The following DLGAP5 variants were observed in gnomAD, a reference collection of about 807,000 sequenced individuals.
DLGAP5 encodes DLG associated protein 5, also known as disks large-associated protein 5.
In DLGAP5, 90 loss-of-function variants were observed where a neutral mutation model predicts 99.6. The ratio of observed to expected loss-of-function variants is 0.90; its 90% CI spans 0.76 to 1.08. The LOEUF is 1.08. Ranked by LOEUF, DLGAP5 falls within the 50% of genes least tolerant of loss-of-function variation. The pLI is 0.00. For missense variants in DLGAP5, 1,036 were observed against 983.5 expected (o/e 1.05, Z -0.71); for synonymous variants, 311 against 321.3 (o/e 0.97, Z 0.34).
Position 55,174,981 on chromosome 14 carries a change from G to A in DLGAP5, c.1301+365C>T, listed in dbSNP as rs543899894. Among the ~76,000 whole-genome samples the A allele has an allele frequency of 9.1e-4, 139 of 152,166 alleles. 4 individuals carry two copies. The South Asian group carries it at 0.028, about 30-fold the overall frequency. On this transcript the variant is annotated intron_variant, in intron 10 of 18. Transcript: ENST00000247191. ...TGGGATTACAGGCGTGAGCCACCGC[G>A]CCCAGCCTATTGTCCATATTTTTTA...
intron 1 of DLGAP5, among the ~76,000 whole-genome samples, chr14:55,190,782 T>G (rs952621873): frequency 6.6e-6 from 1 of 152,228 alleles, no homozygotes; most frequent in Admixed American, 6.5e-5. Flanking sequence ...CAATGGACTG[T>G]GCTTTTCATA....
At chr14:55,184,364 T>C (rs1883367806) in intron 2 of DLGAP5, among the ~76,000 whole-genome samples, 1 of 152,228 alleles carries the variant, frequency 6.6e-6, no homozygotes, top group African/African-American at 2.4e-5. Flanking sequence ...CAACCCCTAG[T>C]CTTTTAAAAT....
At chr14:55,154,010 C>T (rs556579739) in intron 15 of DLGAP5, among the ~76,000 whole-genome samples, 10 of 151,856 alleles carry the variant, frequency 6.6e-5, no homozygotes, top group Non-Finnish European at 1.0e-4. Flanking sequence ...AAGCCGAAAT[C>T]GTACCACTGC....
In DLGAP5 at chr14:55,185,259, G is replaced by A. The variant is rs549080588; in HGVS notation, c.239-1506C>T. Among the ~76,000 whole-genome samples the A allele has an allele frequency of 1.8e-4, 28 of 152,342 alleles. 2 individuals are homozygous for A. The South Asian group carries it at 5.0e-3, about 27-fold the overall frequency. On this transcript the variant is annotated intron_variant, in intron 2 of 18. Transcript: ENST00000247191. ...CTGTCGCCTTGGCTGGAATGCAGCGGCGTGATCTCGGCTCAATGCATCCTC... is the reference window on the plus strand; with the variant it reads ...CTGTCGCCTTGGCTGGAATGCAGCGACGTGATCTCGGCTCAATGCATCCTC...
intron 2 of DLGAP5, among the ~76,000 whole-genome samples, chr14:55,187,918 C>A (rs1256318967): frequency 6.6e-6 from 1 of 152,186 alleles, no homozygotes; most frequent in Non-Finnish European, 1.5e-5. Context: ...CTTGCTCATT[C>A]TTTTCTACCC....
At chr14:55,158,301 G>A (rs1882282171) in intron 14 of DLGAP5, among the ~76,000 whole-genome samples, 2 of 152,154 alleles carry the variant, frequency 1.3e-5, no homozygotes, top group African/African-American at 4.8e-5. Flanking sequence ...AGCAATCTTA[G>A]AAGACTTATC....
intron 10 of DLGAP5, among the ~76,000 whole-genome samples, chr14:55,175,099 G>A (rs565177007): frequency 5.9e-5 from 9 of 152,312 alleles, no homozygotes; most frequent in African/African-American, 2.2e-4. Context: ...TTGCCTTCAT[G>A]AAAGGTTCAA....
In DLGAP5 at chr14:55,151,871, C is replaced by T. The variant is rs759917369; in HGVS notation, c.2192G>A (p.Gly731Asp). The part of the protein sequence containing the change: ...SERMSLPLLA[G>D]GVADDINTNK... ...AGTATTAATATCATCTGCTACTCCA[C>T]CAGCAAGAAGAGGCAAACTCATTCT... is the stretch of plus-strand genomic sequence containing the variant. Residue 731 changes from glycine (G) to aspartate (D), a missense_variant, in exon 17 of 19, where the codon GGT becomes GAT. By Grantham distance (94) the Gly-to-Asp change is moderately conservative. Coordinates refer to ENST00000247191, the MANE Select transcript of DLGAP5 (RefSeq NM_014750.5). The T allele has an allele frequency of 6.2e-7, 1 of 1,613,932 alleles. No individual in the cohort carries two copies. Among genetic ancestry groups the T allele is most frequent in the South Asian group, 1.1e-5 (1 of 91,080 alleles).
chr14:55,158,498 AAT>A (rs1477631407), intron 14 of DLGAP5, 22 bp downstream of exon 14: 2 of 1,597,546 alleles, frequency 1.3e-6, no homozygotes, highest in African/African-American at 2.7e-5. Context: ...AAACAAAAAA[AAT>A]AAAAAATCAA....
In DLGAP5 at chr14:55,176,030, AG is replaced by A. The variant is rs751357734; in HGVS notation, c.1050-13del. 6.3e-7 allele frequency: 1 copy of A among 1,597,120 alleles called. No individual in the cohort carries two copies. Among genetic ancestry groups the A allele is most frequent in the Admixed American group, 1.7e-5 (1 of 58,266 alleles). On this transcript the variant is annotated splice_polypyrimidine_tract_variant and intron_variant, in intron 8 of 18. Coordinates refer to ENST00000247191, the MANE Select transcript of DLGAP5 (RefSeq NM_014750.5). ...CTTGAGACTCATCACTAAAAACAAT[AG>A]CAAAAATATACTTCATGAAACATGA... is the stretch of plus-strand genomic sequence containing the variant.
At chr14:55,163,722 G>T (rs536786171) in intron 12 of DLGAP5, among the ~76,000 whole-genome samples, 1 of 152,300 alleles carries the variant, frequency 6.6e-6, no homozygotes, top group South Asian at 2.1e-4. Context: ...CTGTTCCCTA[G>T]TAGGTATGTG....
At chr14:55,179,183 C>G (rs1257931162) in intron 7 of DLGAP5, among the ~76,000 whole-genome samples, 1 of 152,132 alleles carries the variant, frequency 6.6e-6, no homozygotes. Context: ...TTATTTAATT[C>G]TTACAACTAC....
intron 11 of DLGAP5, 92 bp from the exon 12 acceptor site, chr14:55,169,651 C>T: frequency 3.5e-6 from 4 of 1,141,586 alleles, no homozygotes; most frequent in Non-Finnish European, 4.8e-6. Flanking sequence ...TCCAAACATC[C>T]TAGGGCCTAC....
intron 8 of DLGAP5, among the ~76,000 whole-genome samples, 196 bp downstream of exon 8, chr14:55,176,866 T>A (rs1408277336): frequency 6.7e-6 from 1 of 148,366 alleles, no homozygotes; most frequent in Non-Finnish European, 1.5e-5. Context: ...TAGTCCCAGC[T>A]ACTTGAGAGG....
chr14:55,190,987 G>A (rs1180533728), intron 1 of DLGAP5: 1 of 152,204 alleles, frequency 6.6e-6, no homozygotes, highest in South Asian at 2.1e-4. Context: ...TACAGATGAG[G>A]TCAATTAACT....
chr14:55,185,875 A>G (rs1320635401), intron 2 of DLGAP5, among the ~76,000 whole-genome samples: 3 of 152,260 alleles, frequency 2.0e-5, no homozygotes, highest in African/African-American at 7.2e-5. Context: ...TATACCTATT[A>G]CCAAGATTCA....
At chr14:55,164,348 C>T (rs1882557950) in intron 12 of DLGAP5, among the ~76,000 whole-genome samples, 1 of 152,044 alleles carries the variant, frequency 6.6e-6, no homozygotes, top group South Asian at 2.1e-4. Flanking sequence ...CAGAATTACA[C>T]TCATGACCAA....
At chr14:55,173,375 G>A (rs1014391091) in intron 10 of DLGAP5, among the ~76,000 whole-genome samples, 4 of 151,236 alleles carry the variant, frequency 2.6e-5, no homozygotes, top group African/African-American at 9.7e-5. Flanking sequence ...GCGGTGAGCT[G>A]AGATCACATC....
At chr14:55,176,743 C>T (rs1312353039) in intron 8 of DLGAP5, among the ~76,000 whole-genome samples, 2 of 151,928 alleles carry the variant, frequency 1.3e-5, no homozygotes, top group African/African-American at 2.4e-5. Context: ...CTTTGGGAGG[C>T]CGAGGCGGGC....
Sources: gnomAD v4.1 joint callset for allele counts (sites outside exome capture counted in the v4.1 genomes callset) on GRCh38, gnomAD v4.1.1 for gene constraint, MANE v1.5 for transcripts, NCBI Gene and HGNC (gene_info 2026-07-23, HGNC 2026-07-21) for gene names.